The following PTH2R variants were observed in gnomAD, a reference collection of about 807,000 sequenced individuals.
PTH2R encodes the protein parathyroid hormone 2 receptor.
Under a neutral mutation model 60.3 loss-of-function variants are expected in PTH2R, and 59 were observed. The observed-to-expected ratio is 0.98, with a 90% confidence interval of 0.79 to 1.22. The LOEUF (loss-of-function observed/expected upper bound fraction) is 1.22, where lower values mean the gene tolerates loss of function less well. Among genes scored for constraint, PTH2R ranks in the 50% most tolerant of loss-of-function variants. The pLI, the probability that PTH2R is intolerant of heterozygous loss-of-function variation, is 0.00. For missense variants in PTH2R, 749 were observed against 682.6 expected (o/e 1.10, Z -1.08); for synonymous variants, 256 against 243.8 (o/e 1.05, Z -0.47).
chr2:208,437,112 G>T (rs1312720257), intron 2 of PTH2R, among the ~76,000 whole-genome samples: 1 of 152,200 alleles, frequency 6.6e-6, no homozygotes, highest in African/African-American at 2.4e-5. Flanking sequence ...GAGTCTTGCG[G>T]CTTGCCAGTG....
exon 1 of PTH2R, chr2:208,360,000 G>A (rs1394868068): frequency 1.0e-5 from 3 of 296,432 alleles, no homozygotes; most frequent in Non-Finnish European, 2.0e-5. Context: ...GAGGCAGCCT[G>A]CTCTCCAGTC....
At chr2:208,454,294 A>C (rs1702466188) in intron 8 of PTH2R, among the ~76,000 whole-genome samples, 1 of 152,192 alleles carries the variant, frequency 6.6e-6, no homozygotes, top group Non-Finnish European at 1.5e-5. Context: ...TATGTCTCCC[A>C]AAATTCACAT....
intron 7 of PTH2R, among the ~76,000 whole-genome samples, chr2:208,447,145 A>G (rs900603545): frequency 6.6e-6 from 1 of 151,946 alleles, no homozygotes; most frequent in Non-Finnish European, 1.5e-5. Flanking sequence ...TTTATTTCTT[A>G]TTATTTGTTA....
At chr2:208,431,173 C>T (rs1574866225) in intron 2 of PTH2R, among the ~76,000 whole-genome samples, 1 of 152,090 alleles carries the variant, frequency 6.6e-6, no homozygotes, top group African/African-American at 2.4e-5. Flanking sequence ...TTCCAGTTTG[C>T]CAGCTCTTTG....
chr2:208,451,881 A>G (rs1326468516), intron 8 of PTH2R, among the ~76,000 whole-genome samples: 2 of 152,152 alleles, frequency 1.3e-5, no homozygotes, highest in African/African-American at 4.8e-5. Flanking sequence ...CATTTAAATA[A>G]CCATTTAAGT....
At chr2:208,388,761 C>T (rs534277009) in intron 1 of PTH2R, among the ~76,000 whole-genome samples, 2 of 152,318 alleles carry the variant, frequency 1.3e-5, no homozygotes, top group East Asian at 3.9e-4. Context: ...GGCCAAACTA[C>T]TAGGATATGA....
intron 1 of PTH2R, among the ~76,000 whole-genome samples, chr2:208,370,287 CAAA>C (rs991222940): frequency 1.3e-5 from 2 of 151,136 alleles, no homozygotes; most frequent in African/African-American, 4.9e-5. Flanking sequence ...ACTAAAAATA[CAAA>C]AAATTAGCCA....
chr2:208,410,766 G>A (rs1431466285), intron 1 of PTH2R, among the ~76,000 whole-genome samples: 1 of 152,098 alleles, frequency 6.6e-6, no homozygotes, highest in Non-Finnish European at 1.5e-5. Flanking sequence ...AAAAGATTGT[G>A]TGTGTGTGTG....
At chr2:208,463,972 T>G (rs896932832) in intron 9 of PTH2R, among the ~76,000 whole-genome samples, 9 of 152,372 alleles carry the variant, frequency 5.9e-5, no homozygotes, top group South Asian at 2.1e-4. Flanking sequence ...GGTGTGACTA[T>G]TTTTTAAAAG....
At chr2:208,492,860 C>G (rs1230544133) in intron 12 of PTH2R, among the ~76,000 whole-genome samples, 1 of 152,112 alleles carries the variant, frequency 6.6e-6, no homozygotes, top group East Asian at 1.9e-4. Context: ...TTGGGCAGGT[C>G]TCAGTGCAGG....
chr2:208,460,036 C>T lies in PTH2R; in HGVS notation c.981+75C>T, dbSNP rs536490584. On this transcript the variant is annotated intron_variant, in intron 9 of 12. Coordinates refer to ENST00000272847, the MANE Select transcript of PTH2R (RefSeq NM_005048.4). ...CTGCTAAAACCCAGAGAAAGTGTGT[C>T]TGTCACTGCATTCTACAACAGATCT... The T allele has an allele frequency of 2.5e-5, 31 of 1,236,376 alleles. No homozygotes were observed. The African/African-American group carries it at 4.2e-4, about 17-fold the overall frequency. The allele number at this position is 1,236,376 out of a possible 1,614,324, so 76.6% of individuals were successfully genotyped here. A position where few individuals can be genotyped will look rare whatever the true frequency, so the allele number is the denominator to read the frequency against.
chr2:208,380,049 G>A (rs1020624198), intron 1 of PTH2R, among the ~76,000 whole-genome samples: 7 of 152,046 alleles, frequency 4.6e-5, no homozygotes, highest in Admixed American at 6.5e-5. Context: ...AGGAGCCAAG[G>A]AATTCTCTAA....
intron 1 of PTH2R, among the ~76,000 whole-genome samples, chr2:208,423,418 G>T (rs951413027): frequency 6.6e-6 from 1 of 152,048 alleles, no homozygotes; most frequent in Non-Finnish European, 1.5e-5. Context: ...TTGATTTCCA[G>T]TTTGATTCCA....
chr2:208,429,477 T>C (rs557613350), intron 2 of PTH2R, among the ~76,000 whole-genome samples: 45 of 152,274 alleles, frequency 3.0e-4, no homozygotes, highest in African/African-American at 1.0e-3. Flanking sequence ...CCTCTTTATC[T>C]CTAGGATACT....
At chr2:208,457,530 A>G (rs35211565) in intron 8 of PTH2R, among the ~76,000 whole-genome samples, 5,132 of 152,316 alleles carry the variant, frequency 0.034, 83 homozygotes, top group Middle Eastern at 0.061. Flanking sequence ...AATAAAACAT[A>G]CACTTTTAAA....
Position 208,444,736 on chromosome 2 carries a change from C to T in PTH2R, c.702C>T (p.Ile234=), listed in dbSNP as rs114943165. Residue 234 remains isoleucine (I), a splice_region_variant and synonymous_variant, in exon 7 of 13, where the codon ATC becomes ATT. Coordinates refer to ENST00000272847, the MANE Select transcript of PTH2R (RefSeq NM_005048.4). ...EATSVDKSQY[I]GCKIAVVMFI... ...AAATTCTGGTTTATTTGTAATAGAT[C>T]GGGTGCAAGATTGCTGTTGTGATGT... 8.4e-4 allele frequency: 1,348 copies of T among 1,612,308 alleles called. 11 individuals carry two copies. The African/African-American group carries it at 0.015, about 18-fold the overall frequency.
intron 2 of PTH2R, 141 bp from the exon 3 acceptor site, chr2:208,437,396 C>G: frequency 1.6e-6 from 1 of 608,310 alleles, no homozygotes; most frequent in Non-Finnish European, 2.8e-6. Context: ...CATATCTATT[C>G]TATCTAGTTT....
intron 9 of PTH2R, among the ~76,000 whole-genome samples, chr2:208,468,885 T>A (rs1225426418): frequency 6.6e-6 from 1 of 152,136 alleles, no homozygotes; most frequent in Non-Finnish European, 1.5e-5. Flanking sequence ...TGGCACAGAA[T>A]GACCACTCAA....
chr2:208,446,461 T>C (rs1232011749), intron 7 of PTH2R, among the ~76,000 whole-genome samples: 2 of 152,210 alleles, frequency 1.3e-5, no homozygotes, highest in African/African-American at 4.8e-5. Context: ...TTTCGTGAAA[T>C]AGTTTGAGAA....
Sources: gnomAD v4.1 joint callset for allele counts (sites outside exome capture counted in the v4.1 genomes callset) on GRCh38, gnomAD v4.1.1 for gene constraint, MANE v1.5 for transcripts, NCBI Gene and HGNC (gene_info 2026-07-23, HGNC 2026-07-21) for gene names.